PCSK5: variants seen among roughly 807,000 people sequenced by gnomAD.
The protein encoded by PCSK5 is prohormone convertase 5.
PCSK5 carries 129 observed loss-of-function variants against 233.2 expected under a neutral mutation model. That is an observed-to-expected ratio of 0.55 (90% CI 0.48 to 0.64). The LOEUF (loss-of-function observed/expected upper bound fraction) is 0.64, where lower values mean the gene tolerates loss of function less well. Ranked by LOEUF, PCSK5 falls within the 30% of genes least tolerant of loss-of-function variation. PCSK5 has a pLI of 0.00. For missense variants in PCSK5, 2,076 were observed against 2,430.1 expected (o/e 0.85, Z 3.06); for synonymous variants, 825 against 879.2 (o/e 0.94, Z 1.09).
At chr9:76,017,875 G>A (rs1828013472) in intron 3 of PCSK5, among the ~76,000 whole-genome samples, 1 of 152,102 alleles carries the variant, frequency 6.6e-6, no homozygotes. Flanking sequence ...GGCACCTGCA[G>A]TTTTAGAGGC....
chr9:76,154,048 G>T (rs372349883), intron 10 of PCSK5, among the ~76,000 whole-genome samples: 1 of 152,102 alleles, frequency 6.6e-6, no homozygotes, highest in Admixed American at 6.5e-5. Flanking sequence ...GCTCTTTCCC[G>T]TATTCACACC....
chr9:76,323,124 C>T lies in PCSK5; in HGVS notation c.4175C>T (p.Ser1392Leu), dbSNP rs745587531. 6.8e-6 allele frequency: 11 copies of T among 1,611,836 alleles called. No individual in the cohort carries two copies. The Admixed American group carries it at 8.4e-5, about 12-fold the overall frequency. The change falls in exon 32 of 38, where the codon TCG becomes TTG. Residue 1392 changes from serine to leucine, a missense_variant. By Grantham distance (145) the Ser-to-Leu change is moderately radical. Coordinates refer to ENST00000674117, the MANE Select transcript of PCSK5 (RefSeq NM_001372043.1). Reference sequence around the variant, plus strand: ...TGTCCCCGTGGCTTCTATGCAGACTCGCGCCACTGTGTCCCCTGCCATAAA... The same window carrying T: ...TGTCCCCGTGGCTTCTATGCAGACTTGCGCCACTGTGTCCCCTGCCATAAA... ...QSCPRGFYAD[S>L]RHCVPCHKDC...
At chr9:76,203,256 C>T (rs929773892) in intron 20 of PCSK5, among the ~76,000 whole-genome samples, 3 of 152,034 alleles carry the variant, frequency 2.0e-5, no homozygotes, top group Admixed American at 6.6e-5. Flanking sequence ...TAGGACCCTG[C>T]CACTAAAAGT....
intron 24 of PCSK5, chr9:76,287,863 G>A (rs1253103977): frequency 9.5e-6 from 2 of 210,452 alleles, no homozygotes; most frequent in Admixed American, 4.2e-5. Flanking sequence ...GGCTTCTGCA[G>A]GTTCGACATA....
intron 3 of PCSK5, among the ~76,000 whole-genome samples, chr9:76,023,443 T>C (rs1001012020): frequency 1.3e-5 from 2 of 152,072 alleles, no homozygotes; most frequent in Non-Finnish European, 2.9e-5. Flanking sequence ...GGTGGGAGGA[T>C]CACTTGAGTC....
intron 20 of PCSK5, among the ~76,000 whole-genome samples, chr9:76,197,321 A>G (rs1442425379): frequency 2.6e-5 from 4 of 152,180 alleles, no homozygotes; most frequent in Non-Finnish European, 4.4e-5. Flanking sequence ...CACTCCAGTT[A>G]TCAGAGGCTT....
chr9:75,976,062 C>G (rs1437796340), intron 2 of PCSK5, among the ~76,000 whole-genome samples: 1 of 152,102 alleles, frequency 6.6e-6, no homozygotes, highest in Non-Finnish European at 1.5e-5. Flanking sequence ...CCTTTTAATA[C>G]ATGAGCAATC....
At chr9:76,042,621 A>T (rs1829170093) in intron 5 of PCSK5, among the ~76,000 whole-genome samples, 1 of 151,876 alleles carries the variant, frequency 6.6e-6, no homozygotes, top group African/African-American at 2.4e-5. Flanking sequence ...ACGCCACGGC[A>T]TGCCAGCCTG....
intron 3 of PCSK5, among the ~76,000 whole-genome samples, chr9:76,016,432 A>G (rs183208483): frequency 1.3e-5 from 2 of 152,350 alleles, no homozygotes; most frequent in Admixed American, 1.3e-4. Flanking sequence ...TTTCAGACCT[A>G]GATTTCTGAA....
Position 76,134,204 on chromosome 9 carries a change from G to T in PCSK5, c.1304G>T (p.Gly435Val). ...AATGACTGGAAAACCAATGCTGCTGGTTTTAAGGGTGAGAACTTCTTTCAT... is the reference window on the plus strand; with the variant it reads ...AATGACTGGAAAACCAATGCTGCTGTTTTTAAGGGTGAGAACTTCTTTCAT... ...NANDWKTNAA[G>V]FKVSHLYGFG... Residue 435 changes from glycine (G) to valine (V), a missense_variant, in exon 10 of 38, where the codon GGT becomes GTT. This residue lies in a region of PCSK5 where 178 missense variants were observed against 393.6 expected (regional missense o/e 0.45). Transcript: ENST00000674117. 1 of 1,587,496 alleles carries T rather than the reference G, an allele frequency of 6.3e-7. No homozygotes were observed.
intron 5 of PCSK5, among the ~76,000 whole-genome samples, chr9:76,066,312 C>A (rs11144738): frequency 0.019 from 2,870 of 152,112 alleles, 91 homozygotes; most frequent in African/African-American, 0.064. Flanking sequence ...TTTCTTTGAT[C>A]CGTTTTTTAT....
chr9:76,329,131 GTTTGTTT>G, intron 33 of PCSK5, among the ~76,000 whole-genome samples: 1 of 150,824 alleles, frequency 6.6e-6, no homozygotes, highest in Non-Finnish European at 1.5e-5. Flanking sequence ...TTTTTTGTTT[GTTTGTTT>G]TTTGTTTTAA....
intron 3 of PCSK5, 25 bp downstream of exon 3, chr9:75,986,270 C>A: frequency 7.4e-7 from 1 of 1,352,474 alleles, no homozygotes; most frequent in Non-Finnish European, 1.1e-6. Flanking sequence ...GAAGCCTGGC[C>A]TAGGGCCATG....
rs757631905 is a variant in PCSK5 at position 76,216,011 on chromosome 9, T to C, written c.2627-11492T>C. Among the ~76,000 whole-genome samples, 3 of 152,156 alleles carry C rather than the reference T, an allele frequency of 2.0e-5. No homozygotes were observed. The East Asian group carries it at 5.8e-4, about 29-fold the overall frequency. ...TCCAAGGGGGAGAGTTTGAAGGCAC[T>C]GCAATCGGCTCTTCTACCAGAGGGA... On this transcript the variant is annotated intron_variant, in intron 20 of 37. Transcript: ENST00000674117.
At chr9:75,915,018 A>G (rs1453597343) in intron 1 of PCSK5, among the ~76,000 whole-genome samples, 1 of 152,220 alleles carries the variant, frequency 6.6e-6, no homozygotes, top group Non-Finnish European at 1.5e-5. Context: ...CTGTTTAGGA[A>G]TAAGGTAAAT....
At chr9:76,274,166 ATATC>A (rs1827619547) in intron 24 of PCSK5, among the ~76,000 whole-genome samples, 1 of 150,932 alleles carries the variant, frequency 6.6e-6, no homozygotes, top group African/African-American at 2.4e-5. Context: ...TCTTTTCTTT[ATATC>A]TATCTTTGAG....
chr9:75,950,496 A>G (rs1824805490), intron 2 of PCSK5, among the ~76,000 whole-genome samples: 1 of 152,212 alleles, frequency 6.6e-6, no homozygotes. Flanking sequence ...ATCTCTCGGC[A>G]GAAACTCTAC....
rs776640203 is a variant in PCSK5 at position 76,159,153 on chromosome 9, C to T, written c.1601C>T (p.Ser534Phe). The change falls in exon 12 of 38, where the codon TCT (serine) becomes TTT (phenylalanine). Residue 534 changes from serine (S) to phenylalanine (F), a missense_variant. By Grantham distance (155) the Ser-to-Phe change is radical (BLOSUM62 -2). Coordinates refer to ENST00000674117, the MANE Select transcript of PCSK5 (RefSeq NM_001372043.1). ...IYLTSPSGTRSQLLANRLFDH... is the reference protein window; with the variant it reads ...IYLTSPSGTRFQLLANRLFDH... ...CTGACCTCGCCCTCTGGAACTAGGT[C>T]TCAGCTTTTGGCCAACAGGTACAGC... is the stretch of plus-strand genomic sequence containing the variant. The T allele has an allele frequency of 6.2e-7, 1 of 1,614,078 alleles. No homozygotes were observed. The highest frequency in any genetic ancestry group is 1.1e-5 in the South Asian group (1 of 91,070).
At chr9:76,121,814 GTTTTTTTT>G (rs568155033) in intron 9 of PCSK5, among the ~76,000 whole-genome samples, 3 of 61,756 alleles carry the variant, frequency 4.9e-5, no homozygotes, top group African/African-American at 1.4e-4. Flanking sequence ...TCTTGTATTG[GTTTTTTTT>G]TTTTTTTTTT....
Sources: gnomAD v4.1 joint callset for allele counts (sites outside exome capture counted in the v4.1 genomes callset) on GRCh38, gnomAD v4.1.1 for gene constraint, gnomAD v4.1.1 regional missense constraint, MANE v1.5 for transcripts, NCBI Gene and HGNC (gene_info 2026-07-23, HGNC 2026-07-21) for gene names.